IBTK: variants seen among roughly 807,000 people sequenced by gnomAD.
The protein encoded by IBTK is inhibitor of Bruton tyrosine kinase, also known as BTK-binding protein.
IBTK carries 83 observed loss-of-function variants against 154.9 expected under a neutral mutation model. The ratio of observed to expected loss-of-function variants is 0.54; its 90% CI spans 0.45 to 0.64. The LOEUF (loss-of-function observed/expected upper bound fraction) is 0.64, where lower values mean the gene tolerates loss of function less well. Ranked by LOEUF, IBTK falls within the 30% of genes least tolerant of loss-of-function variation. The pLI is 0.00. For synonymous variants in IBTK, 515 were observed against 536.1 expected, an observed-to-expected ratio of 0.96 and a Z score of 0.54; for missense variants, 1,332 against 1,584.6, an observed-to-expected ratio of 0.84 and a Z score of 2.71.
At chr6:82,243,901 G>C (rs1771047347) in intron 1 of IBTK, among the ~76,000 whole-genome samples, 1 of 152,020 alleles carries the variant, frequency 6.6e-6, no homozygotes, top group African/African-American at 2.4e-5. Flanking sequence ...TTAAAGGGGG[G>C]AAAAAAGAAT....
In IBTK at chr6:82,220,688, C is replaced by G; in HGVS notation, c.1150G>C (p.Val384Leu). 5.1e-6 allele frequency: 8 copies of G among 1,576,524 alleles called. No individual in the cohort carries two copies. The highest frequency in any genetic ancestry group is 6.9e-6 in the Non-Finnish European group (8 of 1,164,030). ...TTGTATTCCATATGACCCCCAGACA[C>G]AAGAACTTTTTTCAAGTTCAACTGT... is the stretch of plus-strand genomic sequence containing the variant. ...SKQLNLKKVL[V>L]SGGHMEYKVD... The change falls in exon 9 of 29, where the codon GTG (valine) becomes CTG (leucine). Residue 384 changes from valine to leucine, a missense_variant. Around this residue, in one of 3 missense-constraint regions of IBTK, gnomAD observed 1,134 missense variants for 1,274.7 expected, o/e 0.89. Coordinates refer to ENST00000306270, the MANE Select transcript of IBTK (RefSeq NM_015525.4).
intron 24 of IBTK, chr6:82,191,584 A>G: frequency 1.5e-6 from 1 of 646,490 alleles, no homozygotes; most frequent in Middle Eastern, 4.1e-4. Context: ...ACTGTATTCT[A>G]CAAGAGCTGG....
chr6:82,235,589 C>T (rs1341502071), intron 2 of IBTK, among the ~76,000 whole-genome samples: 6 of 151,520 alleles, frequency 4.0e-5, no homozygotes, highest in Admixed American at 3.9e-4. Flanking sequence ...AGTGAAACTC[C>T]GTCTCAAAAA....
At chr6:82,222,403 A>G (rs74806046) in intron 8 of IBTK, among the ~76,000 whole-genome samples, 6,262 of 152,276 alleles carry the variant, frequency 0.041, 235 homozygotes, top group South Asian at 0.15. Context: ...AGAATCATTT[A>G]TATTTGTACA....
intron 3 of IBTK, among the ~76,000 whole-genome samples, chr6:82,233,913 T>C (rs1056624465): frequency 6.6e-6 from 1 of 152,070 alleles, no homozygotes; most frequent in African/African-American, 2.4e-5. Context: ...TTTGTATTTT[T>C]AGTAGAGACG....
chr6:82,245,902 G>A (rs1467381378), intron 1 of IBTK, among the ~76,000 whole-genome samples: 6 of 151,322 alleles, frequency 4.0e-5, no homozygotes, highest in Non-Finnish European at 8.8e-5. Context: ...TCAATACTTT[G>A]GAAGTGAGTA....
intron 17 of IBTK, among the ~76,000 whole-genome samples, chr6:82,204,270 T>C (rs942569613): frequency 1.3e-5 from 2 of 152,110 alleles, no homozygotes; most frequent in African/African-American, 2.4e-5. Context: ...GTGACCAACA[T>C]AGTTAAAAGG....
chr6:82,218,211 T>G, intron 9 of IBTK, 74 bp from the exon 10 acceptor site: 1 of 1,079,796 alleles, frequency 9.3e-7, no homozygotes, highest in Non-Finnish European at 1.3e-6. Context: ...AATCAAGATA[T>G]CAAGAGACAA....
chr6:82,196,359 C>G lies in IBTK; in HGVS notation c.3113G>C (p.Gly1038Ala). The G allele has an allele frequency of 1.2e-6, 2 of 1,612,732 alleles. No individual in the cohort carries two copies. The highest frequency in any genetic ancestry group is 1.7e-6 in the Non-Finnish European group (2 of 1,179,224). Residue 1038 changes from glycine (G) to alanine (A), a missense_variant, in exon 22 of 29, where the codon GGT becomes GCT. Coordinates refer to ENST00000306270, the MANE Select transcript of IBTK (RefSeq NM_015525.4). Reference sequence around the variant, plus strand: ...AGGGGACTGTAAATCTCTAGGACTACCCACTCCTGCATAGCTTCCTTCAGA... The same window carrying G: ...AGGGGACTGTAAATCTCTAGGACTAGCCACTCCTGCATAGCTTCCTTCAGA... ...SDSEGSYAGV[G>A]SPRDLQSPDF...
chr6:82,211,286 T>A, intron 15 of IBTK, 81 bp downstream of exon 15: 1 of 1,108,422 alleles, frequency 9.0e-7, no homozygotes, highest in South Asian at 1.7e-5. Context: ...AGTTCTGATT[T>A]TGAATTTCTT....
intron 21 of IBTK, among the ~76,000 whole-genome samples, chr6:82,198,086 T>G (rs1382540263): frequency 6.6e-6 from 1 of 152,244 alleles, no homozygotes; most frequent in Non-Finnish European, 1.5e-5. Context: ...TTTTTGAGCT[T>G]CTTTCCTTAG....
At chr6:82,202,438 A>G (rs955759763) in intron 18 of IBTK, 90 bp downstream of exon 18, 1 of 753,378 alleles carries the variant, frequency 1.3e-6, no homozygotes, top group African/African-American at 1.8e-5. Context: ...GGTAAACATC[A>G]TTATTCACAT....
chr6:82,197,369 T>C lies in IBTK; in HGVS notation c.3026-923A>G, dbSNP rs1320689307. Among the ~76,000 whole-genome samples, 4 of 119,624 alleles carry C rather than the reference T, an allele frequency of 3.3e-5. No individual in the cohort carries two copies. In the East Asian group the frequency reaches 9.8e-4, roughly 29 times the overall value. The allele number at this position is 119,624 out of a possible 152,430, so 78.5% of individuals were successfully genotyped here. On this transcript the variant is annotated intron_variant, in intron 21 of 28. Transcript: ENST00000306270. ...ACATTTTTTTTGCCACACAATCTTT[T>C]TGAATTTTTTTTTTTTTTTGAGACA...
chr6:82,231,313 C>CA (rs144796263), intron 4 of IBTK, among the ~76,000 whole-genome samples: 111 of 146,624 alleles, frequency 7.6e-4, no homozygotes, highest in East Asian at 3.6e-3. Context: ...TTAATGCCAC[C>CA]AAAAAAAAAA....
At chr6:82,199,784 T>C (rs1028792095) in intron 21 of IBTK, among the ~76,000 whole-genome samples, 2 of 152,196 alleles carry the variant, frequency 1.3e-5, no homozygotes, top group Non-Finnish European at 2.9e-5. Flanking sequence ...CTATCCAACC[T>C]ATCTCCTATA....
intron 13 of IBTK, among the ~76,000 whole-genome samples, chr6:82,211,973 G>A (rs1033769311): frequency 1.3e-5 from 2 of 152,124 alleles, no homozygotes; most frequent in African/African-American, 2.4e-5. Flanking sequence ...CACTTACAGA[G>A]GAAGCATGAA....
chr6:82,192,988 C>G (rs931862086), intron 23 of IBTK, among the ~76,000 whole-genome samples: 4 of 151,594 alleles, frequency 2.6e-5, no homozygotes, highest in Admixed American at 2.0e-4. Flanking sequence ...GTCCCAGCTA[C>G]TCGGGAGGTT....
chr6:82,242,811 C>T (rs1169845814), intron 1 of IBTK, among the ~76,000 whole-genome samples: 1 of 151,758 alleles, frequency 6.6e-6, no homozygotes, highest in Non-Finnish European at 1.5e-5. Flanking sequence ...TGGCCACACT[C>T]CTGTAATCCC....
In IBTK at chr6:82,212,687, A is replaced by C; in HGVS notation, c.2291+20T>G. On this transcript the variant is annotated intron_variant, in intron 13 of 28. Transcript: ENST00000306270. ...GCCAAAATCCAGACATGAAATGTTA[A>C]TCTTCCTTTCCTTACTTACCATTTT... 1 of 1,478,510 alleles carries C rather than the reference A, an allele frequency of 6.8e-7. No homozygotes were observed. Among genetic ancestry groups the C allele is most frequent in the South Asian group, 1.1e-5 (1 of 88,294 alleles). 91.6% of individuals were successfully genotyped at this position (1,478,510 alleles called of 1,614,324 possible). A position where few individuals can be genotyped will look rare whatever the true frequency, so the allele number is the denominator to read the frequency against.
Sources: allele counts gnomAD v4.1 joint callset (sites outside exome capture counted in the v4.1 genomes callset), GRCh38; gene constraint gnomAD v4.1.1; regional missense constraint gnomAD v4.1.1; transcripts MANE v1.5; gene names NCBI Gene and HGNC (gene_info 2026-07-23, HGNC 2026-07-21).